Variants in NALF1 observed in about 807,000 individuals in gnomAD.
The protein encoded by NALF1 is NALCN channel auxiliary factor 1.
NALF1 carries 3 observed loss-of-function variants against 48.4 expected under a neutral mutation model. That is an observed-to-expected ratio of 0.06 (90% CI 0.03 to 0.16). NALF1 has a LOEUF of 0.16. Among genes scored for constraint, NALF1 ranks in the 10% least tolerant of loss-of-function variants. The pLI, the probability that NALF1 is intolerant of heterozygous loss-of-function variation, is 1.00. For synonymous variants in NALF1, 262 were observed against 245.7 expected (o/e 1.07, Z -0.62); for missense variants, 526 against 571.5 (o/e 0.92, Z 0.81).
At chr13:107,582,977 C>T (rs967767065) in intron 1 of NALF1, among the ~76,000 whole-genome samples, 3 of 152,134 alleles carry the variant, frequency 2.0e-5, no homozygotes, top group Non-Finnish European at 2.9e-5. Context: ...ACCTTTTCCC[C>T]CCTCTCTGGA....
At chr13:107,324,943 G>C (rs1882323561) in intron 1 of NALF1, among the ~76,000 whole-genome samples, 3 of 152,120 alleles carry the variant, frequency 2.0e-5, no homozygotes. Flanking sequence ...GTTCACTTTA[G>C]CCTTCTGAAA....
rs550598755 is a variant in NALF1 at position 107,569,360 on chromosome 13, T to C, written c.915+296322A>G. Among the ~76,000 whole-genome samples, 48 of 152,116 alleles carry C rather than the reference T, an allele frequency of 3.2e-4. 2 individuals carry two copies. Among genetic ancestry groups the C allele is most frequent in the Admixed American group, 2.8e-3 (42 of 15,262 alleles). On this transcript the variant is annotated intron_variant, in intron 1 of 2. Coordinates refer to ENST00000375915, the MANE Select transcript of NALF1 (RefSeq NM_001080396.3). ...GGTGGTGGGTGCTTGTAGTCCCAGC[T>C]ACTCGGGACGCTGAGGCAGGAGAAT...
chr13:107,170,545 G>T lies in NALF1; in HGVS notation c.1329C>A (p.Ser443Arg). ...ASAAQNTAGL[S>R]FGGINTLEEN... ...CTTCCAGCGTGTTGATGCCTCCAAAGCTCAGTCCGGCTGTGTTCTGTGCTG... is the reference window on the plus strand; with the variant it reads ...CTTCCAGCGTGTTGATGCCTCCAAATCTCAGTCCGGCTGTGTTCTGTGCTG... The change falls in exon 3 of 3, where the codon AGC becomes AGA. Residue 443 changes from serine (S) to arginine (R), a missense_variant. Coordinates refer to ENST00000375915, the MANE Select transcript of NALF1 (RefSeq NM_001080396.3). The T allele has an allele frequency of 6.2e-7, 1 of 1,612,922 alleles. No homozygotes were observed. Among genetic ancestry groups the T allele is most frequent in the South Asian group, 1.1e-5 (1 of 91,076 alleles).
chr13:107,780,807 C>T (rs572942761), intron 1 of NALF1, among the ~76,000 whole-genome samples: 153 of 152,248 alleles, frequency 1.0e-3, no homozygotes, highest in Non-Finnish European at 1.8e-3. Flanking sequence ...AAGTGCTAGG[C>T]AATGATGATT....
At chr13:107,764,943 A>G (rs540776848) in intron 1 of NALF1, among the ~76,000 whole-genome samples, 6 of 152,200 alleles carry the variant, frequency 3.9e-5, no homozygotes, top group Admixed American at 6.5e-5. Context: ...TTATCTTACT[A>G]CGTGGGTTAC....
intron 1 of NALF1, among the ~76,000 whole-genome samples, chr13:107,257,996 C>T (rs1259380531): frequency 1.3e-5 from 2 of 152,144 alleles, no homozygotes; most frequent in African/African-American, 4.8e-5. Context: ...TGAAAGGTCA[C>T]ATTTTATATA....
intron 1 of NALF1, among the ~76,000 whole-genome samples, chr13:107,223,901 A>C (rs9514632): frequency 0.025 from 3,860 of 152,340 alleles, 62 homozygotes; most frequent in Non-Finnish European, 0.036. Flanking sequence ...CTTTGGCAGA[A>C]ACAGAGGGCC....
intron 1 of NALF1, among the ~76,000 whole-genome samples, chr13:107,852,653 C>T (rs911210042): frequency 1.3e-5 from 2 of 152,094 alleles, no homozygotes; most frequent in Non-Finnish European, 2.9e-5. Context: ...GTGCTCATTC[C>T]ACAAGCATGG....
intron 1 of NALF1, among the ~76,000 whole-genome samples, chr13:107,379,748 G>A (rs1055043391): frequency 3.3e-5 from 5 of 152,134 alleles, no homozygotes; most frequent in South Asian, 2.1e-4. Context: ...CAGCCTGATC[G>A]CTTCTTATTC....
intron 1 of NALF1, among the ~76,000 whole-genome samples, chr13:107,260,930 T>C (rs889969091): frequency 1.3e-5 from 2 of 152,222 alleles, no homozygotes; most frequent in East Asian, 3.9e-4. Context: ...TGTAAAATTT[T>C]CCCATGCACG....
At chr13:107,610,358 C>G (rs1879193406) in intron 1 of NALF1, among the ~76,000 whole-genome samples, 1 of 152,112 alleles carries the variant, frequency 6.6e-6, no homozygotes, top group Admixed American at 6.5e-5. Flanking sequence ...TCCAAAATAT[C>G]TACTTACCTT....
At chr13:107,843,364 T>C (rs965733792) in intron 1 of NALF1, among the ~76,000 whole-genome samples, 6 of 152,166 alleles carry the variant, frequency 3.9e-5, no homozygotes, top group African/African-American at 1.4e-4. Flanking sequence ...ACATTCTGAC[T>C]GCATATAGTT....
chr13:107,385,492 G>T (rs1284767390), intron 1 of NALF1, among the ~76,000 whole-genome samples: 2 of 145,700 alleles, frequency 1.4e-5, no homozygotes, highest in Non-Finnish European at 3.0e-5. Context: ...GGTGGAGGTT[G>T]CAGTGAGCCA....
chr13:107,417,131 T>TA (rs1452057844), intron 1 of NALF1, among the ~76,000 whole-genome samples: 2 of 152,342 alleles, frequency 1.3e-5, no homozygotes, highest in East Asian at 3.9e-4. Context: ...TACTGTTGTT[T>TA]AACTCTTTAA....
Position 107,569,429 on chromosome 13 carries a change from G to C in NALF1, c.915+296253C>G, listed in dbSNP as rs566579876. Among the ~76,000 whole-genome samples the C allele has an allele frequency of 6.3e-3, 957 of 151,620 alleles. 4 individuals carry two copies. The highest frequency in any genetic ancestry group is 9.9e-3 in the Non-Finnish European group (670 of 67,882). On this transcript the variant is annotated intron_variant, in intron 1 of 2. Transcript: ENST00000375915. The stretch of plus-strand genomic sequence containing the variant: ...GGAGCTTGCAGTGAGCCGAGATGGC[G>C]CCACCGCACTCCAGCCTGGGCGACA...
intron 1 of NALF1, among the ~76,000 whole-genome samples, chr13:107,737,160 G>T (rs3930306): frequency 2.0e-5 from 3 of 152,196 alleles, no homozygotes; most frequent in Admixed American, 1.3e-4. Flanking sequence ...GTATAGGATA[G>T]AGAAACACCA....
chr13:107,379,215 T>C (rs1390680720), intron 1 of NALF1, among the ~76,000 whole-genome samples: 1 of 152,174 alleles, frequency 6.6e-6, no homozygotes, highest in East Asian at 1.9e-4. Context: ...TTATGTTCTG[T>C]TGAGTGATAA....
At chr13:107,189,743 T>G (rs1048481117) in intron 2 of NALF1, among the ~76,000 whole-genome samples, 2 of 152,232 alleles carry the variant, frequency 1.3e-5, no homozygotes, top group African/African-American at 4.8e-5. Context: ...CTAACCAGTA[T>G]GGCAAAATGC....
Position 107,272,283 on chromosome 13 carries a change from C to G in NALF1, c.916-61528G>C, listed in dbSNP as rs1465987117. Among the ~76,000 whole-genome samples, 50 of 14,574 alleles carry G rather than the reference C, an allele frequency of 3.4e-3. 21 individuals are homozygous for G. Among genetic ancestry groups the G allele is most frequent in the Non-Finnish European group, 0.01 (48 of 4,634 alleles). The allele number at this position is 14,574 out of a possible 152,430, so 9.6% of individuals were successfully genotyped here. ...ACTGCGGACTGCAGTGGCGCAATCT[C>G]GGCTCACTGCAAGCTCCGCTTCCCG... On this transcript the variant is annotated intron_variant, in intron 1 of 2. Transcript: ENST00000375915.
Sources: allele counts gnomAD v4.1 joint callset (sites outside exome capture counted in the v4.1 genomes callset), GRCh38; gene constraint gnomAD v4.1.1; transcripts MANE v1.5; gene names NCBI Gene and HGNC (gene_info 2026-07-23, HGNC 2026-07-21).